KLF8: variants seen among roughly 807,000 people sequenced by gnomAD.
KLF8 encodes the protein Krueppel-like factor 8.
Under a neutral mutation model 18.2 loss-of-function variants are expected in KLF8, and 10 were observed. The ratio of observed to expected loss-of-function variants is 0.55; its 90% CI spans 0.34 to 0.93. The LOEUF is 0.93. Among genes scored for constraint, KLF8 ranks in the 40% least tolerant of loss-of-function variants. KLF8 has a pLI of 0.02. For missense variants in KLF8, 264 were observed against 277.9 expected, an observed-to-expected ratio of 0.95 and a Z score of 0.36; for synonymous variants, 109 against 97.3, an observed-to-expected ratio of 1.12 and a Z score of -0.71.
the KLF8 span, among the ~76,000 whole-genome samples, chrX:55,976,569 T>TACACAAAC: frequency 9.8e-6 from 1 of 102,537 alleles, no homozygotes. Context: ...TCCATTTGTG[T>TACACAAAC]ACACACACAC....
At chrX:56,023,424 C>T in the KLF8 span, among the ~76,000 whole-genome samples, 1 of 111,673 alleles carries the variant, frequency 9.0e-6, no homozygotes, top group Non-Finnish European at 1.9e-5. Flanking sequence ...ATGAGACAAA[C>T]AAAGACACAA....
At chrX:55,953,630 A>C in the KLF8 span, among the ~76,000 whole-genome samples, 1 of 111,399 alleles carries the variant, frequency 9.0e-6, no homozygotes, top group Non-Finnish European at 1.9e-5. Context: ...ATAGACATAT[A>C]GATAAGTGGA....
At chrX:56,161,871 C>T in the KLF8 span, among the ~76,000 whole-genome samples, 2 of 111,690 alleles carry the variant, frequency 1.8e-5, no homozygotes, top group Non-Finnish European at 3.8e-5. Flanking sequence ...TCCAGTTTTT[C>T]TGCTCTGTTT....
chrX:56,208,629 CT>C, the KLF8 span, among the ~76,000 whole-genome samples: 2 of 110,746 alleles, frequency 1.8e-5, no homozygotes, highest in African/African-American at 6.6e-5. Context: ...TATTATACTG[CT>C]TTTGCTGTAT....
the KLF8 span, among the ~76,000 whole-genome samples, chrX:56,199,152 G>C: frequency 3.6e-5 from 4 of 111,866 alleles, no homozygotes; most frequent in African/African-American, 1.3e-4. Flanking sequence ...GAAAACCTAG[G>C]CAATACCATT....
chrX:56,140,355 G>A, the KLF8 span, among the ~76,000 whole-genome samples: 19 of 111,614 alleles, frequency 1.7e-4, no homozygotes, highest in East Asian at 5.6e-4. Context: ...TGGAATCAAC[G>A]TAGATGCCCA....
intron 1 of KLF8, among the ~76,000 whole-genome samples, chrX:56,243,965 C>T (rs1372347512): frequency 9.0e-6 from 1 of 111,703 alleles, no homozygotes; most frequent in African/African-American, 3.3e-5. Flanking sequence ...GAGGCTTTTG[C>T]AATCTCCCTT....
chrX:55,953,509 G>T, the KLF8 span, among the ~76,000 whole-genome samples: 1 of 109,834 alleles, frequency 9.1e-6, no homozygotes, highest in African/African-American at 3.3e-5. Flanking sequence ...TGAATACAAA[G>T]GGCCCAGAAT....
chrX:56,071,686 T>C, the KLF8 span, among the ~76,000 whole-genome samples: 3 of 111,815 alleles, frequency 2.7e-5, no homozygotes, highest in Non-Finnish European at 5.7e-5. Flanking sequence ...TTTACTGATA[T>C]GTAAATGAAT....
At chrX:56,212,314 G>C in the KLF8 span, among the ~76,000 whole-genome samples, 1 of 107,457 alleles carries the variant, frequency 9.3e-6, no homozygotes, top group Non-Finnish European at 1.9e-5. Context: ...TCCCTTGGCT[G>C]TCCCAGCTGA....
the KLF8 span, among the ~76,000 whole-genome samples, chrX:56,136,478 C>A: frequency 1.8e-5 from 2 of 111,209 alleles, no homozygotes; most frequent in Non-Finnish European, 3.8e-5. Context: ...ATCTTTGACA[C>A]ACCTGACAAA....
the KLF8 span, among the ~76,000 whole-genome samples, chrX:56,156,376 C>T: frequency 9.1e-6 from 1 of 110,101 alleles, no homozygotes; most frequent in Non-Finnish European, 1.9e-5. Flanking sequence ...TCCTGATCCT[C>T]TCCCTCCTCT....
At chrX:55,961,035 T>C in the KLF8 span, among the ~76,000 whole-genome samples, 1 of 111,597 alleles carries the variant, frequency 9.0e-6, no homozygotes, top group African/African-American at 3.3e-5. Context: ...TAGGGGTTGT[T>C]ATTCTTATTT....
chrX:55,992,418 C>T, the KLF8 span, among the ~76,000 whole-genome samples: 15 of 111,728 alleles, frequency 1.3e-4, no homozygotes, highest in Non-Finnish European at 3.8e-5. Context: ...AGGTATGTGG[C>T]TTTATTTCTG....
chrX:56,035,093 T>C, the KLF8 span, among the ~76,000 whole-genome samples: 1 of 111,791 alleles, frequency 8.9e-6, no homozygotes, highest in African/African-American at 3.3e-5. Context: ...TTTATGTCCT[T>C]TAAGAAATCT....
rs1156789275 is a variant in KLF8, at chrX:56,237,419, TTG to T, written c.7+4092_7+4093del. On this transcript the variant is annotated intron_variant, in intron 1 of 5. Coordinates refer to ENST00000468660, the MANE Select transcript of KLF8 (RefSeq NM_007250.5). ...TATATATGTGTGTGTGTGTGTGTGT[TTG>T]TGTGTGTGTGTGTATATATATATCC... Among the ~76,000 whole-genome samples, 167 of 106,918 alleles carry T rather than the reference TTG, an allele frequency of 1.6e-3. 1 individual carries two copies. Among genetic ancestry groups the T allele is most frequent in the African/African-American group, 5.2e-3 (151 of 29,280 alleles). The allele number at this position is 106,918 out of a possible 115,157, so 92.8% of individuals were successfully genotyped here. A position where few individuals can be genotyped will look rare whatever the true frequency, so the allele number is the denominator to read the frequency against.
chrX:56,063,769 C>T, the KLF8 span, among the ~76,000 whole-genome samples: 2 of 111,072 alleles, frequency 1.8e-5, no homozygotes, highest in African/African-American at 3.3e-5. Context: ...ACCCCTTCTC[C>T]CAGGTGCTCT....
the KLF8 span, among the ~76,000 whole-genome samples, chrX:56,046,562 G>T: frequency 1.8e-5 from 2 of 109,451 alleles, no homozygotes; most frequent in Admixed American, 2.0e-4. Flanking sequence ...AGTTCTTTTA[G>T]TGCTGAATTG....
the KLF8 span, among the ~76,000 whole-genome samples, chrX:55,937,359 CA>C: frequency 9.0e-6 from 1 of 111,519 alleles, no homozygotes; most frequent in African/African-American, 3.3e-5. Context: ...ACATCCACAC[CA>C]AAAACCCATC....
Sources: allele counts gnomAD v4.1 joint callset (sites outside exome capture counted in the v4.1 genomes callset), GRCh38; gene constraint gnomAD v4.1.1; transcripts MANE v1.5; gene names NCBI Gene and HGNC (gene_info 2026-07-23, HGNC 2026-07-21).